Variants in METTL27 observed in about 807,000 individuals in gnomAD.
METTL27 encodes methyltransferase like 27.
METTL27 carries 29 observed loss-of-function variants against 24.5 expected under a neutral mutation model. The ratio of observed to expected loss-of-function variants is 1.18; its 90% CI spans 0.88 to 1.61. METTL27 has a LOEUF of 1.61. METTL27 is among the 40% of genes most tolerant of loss of function. METTL27 has a pLI of 0.00. For missense variants in METTL27, 341 were observed against 324.3 expected (o/e 1.05, Z -0.40); for synonymous variants, 138 against 146.8 (o/e 0.94, Z 0.43).
chr7:73,836,228 GGGGGCA>G (rs1788188446), intron 5 of METTL27, among the ~76,000 whole-genome samples: 2 of 55,426 alleles, frequency 3.6e-5, no homozygotes, highest in Non-Finnish European at 4.6e-5. Context: ...GGAGGGAGGT[GGGGGCA>G]TCAGCCCCCC....
At chr7:73,840,922 T>A (rs4314544) in intron 3 of METTL27, 148 bp downstream of exon 3, 911,917 of 1,263,928 alleles carry the variant, frequency 0.72, 332,845 homozygotes, top group Non-Finnish European at 0.76. Flanking sequence ...CGGCCTCCCA[T>A]AGTGTGAGCC....
chr7:73,834,805 C>A lies in METTL27; in HGVS notation c.676G>T (p.Ala226Ser). The A allele has an allele frequency of 1.9e-6, 3 of 1,614,140 alleles. No individual in the cohort carries two copies. Among genetic ancestry groups the A allele is most frequent in the Non-Finnish European group, 2.5e-6 (3 of 1,180,030 alleles). ...CAGGTAGACAATGCCGGAGATGAAG[C>A]CATCCTTGGCAGAGATGCCGGATAC... ...RWYPASLPRMASSPALSTCTE... is the reference protein window; with the variant it reads ...RWYPASLPRMSSSPALSTCTE... Residue 226 changes from alanine to serine, a missense_variant, in exon 6 of 6, where the codon GCT becomes TCT. Ala to Ser is a moderately conservative substitution (Grantham distance 99). Transcript: ENST00000297873.
Position 73,834,721 on chromosome 7 carries a change from G to A in METTL27, c.*22C>T. On this transcript the variant is annotated 3_prime_UTR_variant, in exon 6 of 6. Transcript: ENST00000297873. The stretch of plus-strand genomic sequence containing the variant: ...TAAGGCCACATGGAGTCAGGGGCCA[G>A]CTGGGGGCTGGGGGCTGGATCTCAC... The A allele has an allele frequency of 6.2e-7, 1 of 1,604,498 alleles. No homozygotes were observed. The highest frequency in any genetic ancestry group is 8.5e-7 in the Non-Finnish European group (1 of 1,174,484).
At chr7:73,837,489 A>G (rs1484338819) in intron 5 of METTL27, among the ~76,000 whole-genome samples, 9 of 150,214 alleles carry the variant, frequency 6.0e-5, no homozygotes, top group South Asian at 2.1e-4. Context: ...AAAAAAAAAA[A>G]AAAGAAAAAG....
chr7:73,841,909 G>A (rs1788370391), intron 2 of METTL27, 109 bp downstream of exon 2: 1 of 1,562,488 alleles, frequency 6.4e-7, no homozygotes, highest in Non-Finnish European at 8.7e-7. Context: ...TTCTTAGCCA[G>A]GCCTCACTTC....
chr7:73,839,875 T>C (rs1554635942), intron 5 of METTL27, 156 bp downstream of exon 5: 1 of 619,442 alleles, frequency 1.6e-6, no homozygotes, highest in African/African-American at 1.9e-5. Flanking sequence ...GGGTCTGCTG[T>C]TGGTGGCTGG....
At chr7:73,841,933 C>T in intron 2 of METTL27, 85 bp downstream of exon 2, 1 of 1,600,468 alleles carries the variant, frequency 6.2e-7, no homozygotes, top group Non-Finnish European at 8.5e-7. Context: ...CTCACAGCCG[C>T]CCCCGGGTGC....
chr7:73,842,157 C>T lies in METTL27; in HGVS notation c.-4-13G>A. On this transcript the variant is annotated splice_polypyrimidine_tract_variant and intron_variant, in intron 1 of 5. Coordinates refer to ENST00000297873, the MANE Select transcript of METTL27 (RefSeq NM_152559.3). ...CTGGGCCATGCTCCTGTGGGGACAC[C>T]GTTGCCCTGTCTCGAGGTCCACCTC... 1.9e-6 allele frequency: 3 copies of T among 1,596,262 alleles called. No individual in the cohort carries two copies. Among genetic ancestry groups the T allele is most frequent in the Non-Finnish European group, 2.6e-6 (3 of 1,173,570 alleles).
intron 5 of METTL27, among the ~76,000 whole-genome samples, chr7:73,838,536 G>A (rs1554635737): frequency 6.6e-6 from 1 of 152,172 alleles, no homozygotes. Context: ...GAGGGGGTAA[G>A]GAGAAGCAGG....
chr7:73,837,544 T>C (rs1424634263), intron 5 of METTL27, among the ~76,000 whole-genome samples: 1 of 151,354 alleles, frequency 6.6e-6, no homozygotes, highest in African/African-American at 2.4e-5. Context: ...CTGTGTCTTT[T>C]ACATTGGGAA....
At position 73,835,822 on chromosome 7, in the gene METTL27, G is replaced by C. The variant is rs1419097783; in HGVS notation, c.479-820C>G. ...TAGGAAGTGAGGAGCGTCTCTGCCC[G>C]GCCGCCCATTGTCTGAGATGTGGGG... On this transcript the variant is annotated intron_variant, in intron 5 of 5. Coordinates refer to ENST00000297873, the MANE Select transcript of METTL27 (RefSeq NM_152559.3). 4.5e-5 allele frequency among the ~76,000 whole-genome samples: 5 copies of C among 110,424 alleles called. No individual in the cohort carries two copies. The East Asian group carries it at 8.3e-4, about 18-fold the overall frequency. The allele number at this position is 110,424 out of a possible 152,430, so 72.4% of individuals were successfully genotyped here.
intron 5 of METTL27, among the ~76,000 whole-genome samples, chr7:73,839,326 G>A (rs904532635): frequency 6.6e-6 from 1 of 152,078 alleles, no homozygotes; most frequent in African/African-American, 2.4e-5. Context: ...GAGCACTCAC[G>A]GCTCTCGTGG....
Position 73,834,848 on chromosome 7 carries a change from T to C in METTL27, c.633A>G (p.Leu211=). 1.2e-6 allele frequency: 2 copies of C among 1,614,008 alleles called. No individual in the cohort carries two copies. The highest frequency in any genetic ancestry group is 1.1e-5 in the South Asian group (1 of 91,086). Reference sequence around the variant, plus strand: ...CCGGATACCACCTCCAGCTCGGAGGTAGCCAGCTCCCAGCGGTCCACAGGC... The same window carrying C: ...CCGGATACCACCTCCAGCTCGGAGGCAGCCAGCTCCCAGCGGTCCACAGGC... ...VDRLWTAGSW[L]PPSWRWYPAS... Residue 211 remains leucine (L), a synonymous_variant, in exon 6 of 6, where the codon CTA becomes CTG. Transcript: ENST00000297873.
Position 73,835,120 on chromosome 7 carries a change from TCTCTCCCTCTCC to T in METTL27, c.479-130_479-119del, listed in dbSNP as rs147740582. 1.2e-3 allele frequency: 1,376 copies of T among 1,135,738 alleles called. 18 individuals are homozygous for T. The African/African-American group carries it at 0.017, about 14-fold the overall frequency. 70.4% of individuals were successfully genotyped at this position (1,135,738 alleles called of 1,614,324 possible). On this transcript the variant is annotated intron_variant, in intron 5 of 5. Transcript: ENST00000297873. Reference sequence around the variant, plus strand: ...ATTCGACTTAAAAGATTGGGGACGCTCTCTCCCTCTCCCTCTCCCTCTCCCTCTCCCTCCTCT... The same window carrying T: ...ATTCGACTTAAAAGATTGGGGACGCTCTCTCCCTCTCCCTCTCCCTCCTCT...
At chr7:73,835,024 G>A in intron 5 of METTL27, 22 bp from the exon 6 acceptor site, 1 of 1,591,218 alleles carries the variant, frequency 6.3e-7, no homozygotes, top group Non-Finnish European at 8.5e-7. Context: ...GGGTAGGTGA[G>A]GTGGGGGAGG....
chr7:73,836,003 G>GC (rs1788172947), intron 5 of METTL27, among the ~76,000 whole-genome samples: 1 of 105,448 alleles, frequency 9.5e-6, no homozygotes, highest in Middle Eastern at 5.3e-3. Context: ...GAAGTGAGGA[G>GC]CCCCTCCGCC....
intron 3 of METTL27, among the ~76,000 whole-genome samples, chr7:73,840,752 G>A (rs904853601): frequency 3.9e-5 from 6 of 152,112 alleles, no homozygotes; most frequent in Non-Finnish European, 5.9e-5. Flanking sequence ...TTGAACTTCC[G>A]GGCTCAAGTG....
chr7:73,842,150 G>A lies in METTL27; in HGVS notation c.-4-6C>T. 1 of 1,604,724 alleles carries A rather than the reference G, an allele frequency of 6.2e-7. No individual in the cohort carries two copies. The highest frequency in any genetic ancestry group is 8.5e-7 in the Non-Finnish European group (1 of 1,178,042). ...CCTCCTCCTGGGCCATGCTCCTGTG[G>A]GGACACCGTTGCCCTGTCTCGAGGT... On this transcript the variant is annotated splice_region_variant and splice_polypyrimidine_tract_variant and intron_variant, in intron 1 of 5. Coordinates refer to ENST00000297873, the MANE Select transcript of METTL27 (RefSeq NM_152559.3).
intron 5 of METTL27, chr7:73,839,797 T>G (rs1584339618): frequency 2.1e-6 from 1 of 468,834 alleles, no homozygotes; most frequent in Non-Finnish European, 3.8e-6. Flanking sequence ...CAGAGGAGGG[T>G]GGAGTTGCTC....
Sources: allele counts gnomAD v4.1 joint callset (sites outside exome capture counted in the v4.1 genomes callset), GRCh38; gene constraint gnomAD v4.1.1; transcripts MANE v1.5; gene names NCBI Gene and HGNC (gene_info 2026-07-23, HGNC 2026-07-21).